Variants in PPP2R2B observed in about 807,000 individuals in gnomAD.
The protein encoded by PPP2R2B is protein phosphatase 2 regulatory subunit Bbeta, also known as serine/threonine-protein phosphatase 2A 55 kDa regulatory subunit B beta isoform.
PPP2R2B carries 5 observed loss-of-function variants against 46.0 expected under a neutral mutation model. The ratio of observed to expected loss-of-function variants is 0.11; its 90% CI spans 0.06 to 0.23. The LOEUF (loss-of-function observed/expected upper bound fraction) is 0.23, where lower values mean the gene tolerates loss of function less well. PPP2R2B is among the 10% of genes least tolerant of loss of function. The pLI, the probability that PPP2R2B is intolerant of heterozygous loss-of-function variation, is 1.00. For synonymous variants in PPP2R2B, 215 were observed against 206.7 expected (o/e 1.04, Z -0.34); for missense variants, 367 against 575.0 (o/e 0.64, Z 3.70).
chr5:146,749,610 T>TA (rs1753418611), intron 2 of PPP2R2B, among the ~76,000 whole-genome samples: 1 of 145,724 alleles, frequency 6.9e-6, no homozygotes, highest in Non-Finnish European at 1.5e-5. Context: ...TCTTTTCTTT[T>TA]TTTTTTTTTT....
chr5:146,686,222 G>C (rs1358786918), intron 5 of PPP2R2B, among the ~76,000 whole-genome samples: 1 of 152,206 alleles, frequency 6.6e-6, no homozygotes, highest in Non-Finnish European at 1.5e-5. Context: ...AGTTGCAGGA[G>C]AGAACAAAAC....
At chr5:146,690,892 C>T (rs1778806739) in intron 5 of PPP2R2B, among the ~76,000 whole-genome samples, 1 of 152,194 alleles carries the variant, frequency 6.6e-6, no homozygotes, top group African/African-American at 2.4e-5. Flanking sequence ...TGGCAGTGGC[C>T]ATGTGGGCAA....
Position 146,987,962 on chromosome 5 carries a change from G to A in PPP2R2B, c.79+67703C>T, listed in dbSNP as rs183399343. Among the ~76,000 whole-genome samples, 219 of 152,006 alleles carry A rather than the reference G, an allele frequency of 1.4e-3. 2 individuals carry two copies. Among genetic ancestry groups the A allele is most frequent in the African/African-American group, 5.0e-3 (209 of 41,506 alleles). On this transcript the variant is annotated intron_variant, in intron 1 of 8. Transcript: ENST00000336640. ...AGCAAGTGGAAACCAAAGAGGGCAG[G>A]AGTAGCTATACTTATATCAGATAAA...
At chr5:146,794,489 A>G (rs1405651926) in intron 2 of PPP2R2B, among the ~76,000 whole-genome samples, 1 of 152,224 alleles carries the variant, frequency 6.6e-6, no homozygotes, top group South Asian at 2.1e-4. Flanking sequence ...CTGTACTTAC[A>G]ATAAACTGCC....
chr5:147,062,350 G>A (rs773279063), intron 2 of PPP2R2B, among the ~76,000 whole-genome samples: 2 of 152,154 alleles, frequency 1.3e-5, no homozygotes, highest in Non-Finnish European at 2.9e-5. Flanking sequence ...CATGACGGTA[G>A]TAGTAATAAG....
At chr5:146,599,382 T>C (rs975089076) in intron 8 of PPP2R2B, among the ~76,000 whole-genome samples, 7 of 152,206 alleles carry the variant, frequency 4.6e-5, no homozygotes, top group African/African-American at 1.7e-4. Context: ...TCATCTCCTC[T>C]TATCTAAATT....
intron 2 of PPP2R2B, among the ~76,000 whole-genome samples, chr5:146,821,951 C>T (rs558429424): frequency 3.0e-4 from 45 of 152,246 alleles, no homozygotes; most frequent in African/African-American, 6.0e-4. Context: ...ACACTGACAA[C>T]GTAAGTAACT....
chr5:146,657,761 A>G (rs1434961909), intron 5 of PPP2R2B, among the ~76,000 whole-genome samples: 1 of 152,158 alleles, frequency 6.6e-6, no homozygotes, highest in African/African-American at 2.4e-5. Context: ...CGTACAACAT[A>G]ATCAACATTA....
At chr5:146,824,221 G>T (rs962068715) in intron 2 of PPP2R2B, among the ~76,000 whole-genome samples, 1 of 152,182 alleles carries the variant, frequency 6.6e-6, no homozygotes, top group Non-Finnish European at 1.5e-5. Flanking sequence ...TATTCCAAAA[G>T]CCTAGAACAT....
chr5:146,903,395 T>C (rs1159317271), intron 1 of PPP2R2B, among the ~76,000 whole-genome samples: 11 of 46,262 alleles, frequency 2.4e-4, no homozygotes, highest in African/African-American at 1.5e-3. Context: ...CTTTCTCTTT[T>C]TTTTTTTTTT....
At position 146,662,150 on chromosome 5, in the gene PPP2R2B, C is replaced by A. The variant is rs322978; in HGVS notation, c.448-11426G>T. Among the ~76,000 whole-genome samples, 98 of 152,060 alleles carry A rather than the reference C, an allele frequency of 6.4e-4. 1 individual carries two copies. Among genetic ancestry groups the A allele is most frequent in the African/African-American group, 2.2e-3 (92 of 41,458 alleles). On this transcript the variant is annotated intron_variant, in intron 5 of 9. Coordinates refer to ENST00000394411, the MANE Select transcript of PPP2R2B (RefSeq NM_181675.4). Reference sequence around the variant, plus strand: ...CACACTGCATTCTGTCATTTATTACCGTGGAATATACAGAACCAAGAAGAT... The same window carrying A: ...CACACTGCATTCTGTCATTTATTACAGTGGAATATACAGAACCAAGAAGAT...
intron 2 of PPP2R2B, among the ~76,000 whole-genome samples, chr5:146,809,952 G>C (rs1049915723): frequency 3.9e-5 from 6 of 152,112 alleles, no homozygotes; most frequent in African/African-American, 1.4e-4. Flanking sequence ...ATATCTTGGG[G>C]GAGTACAAAA....
chr5:146,644,292 G>A (rs1775433018), intron 6 of PPP2R2B, among the ~76,000 whole-genome samples: 1 of 93,122 alleles, frequency 1.1e-5, no homozygotes, highest in African/African-American at 3.1e-5. Context: ...GGTAAATCAG[G>A]AGTTTTAAAT....
intron 2 of PPP2R2B, among the ~76,000 whole-genome samples, chr5:146,770,593 T>C (rs909773887): frequency 1.3e-5 from 2 of 152,192 alleles, no homozygotes; most frequent in African/African-American, 2.4e-5. Flanking sequence ...CTTTTATGCT[T>C]CTCTTTATTT....
chr5:146,893,936 C>T (rs1258407740), intron 1 of PPP2R2B, among the ~76,000 whole-genome samples: 1 of 149,516 alleles, frequency 6.7e-6, no homozygotes, highest in Admixed American at 6.7e-5. Flanking sequence ...ATTCCAGCTA[C>T]TCGGGAGGCT....
chr5:146,736,472 A>G (rs1019133582), intron 2 of PPP2R2B, among the ~76,000 whole-genome samples: 4 of 152,160 alleles, frequency 2.6e-5, no homozygotes, highest in African/African-American at 9.7e-5. Context: ...GCCCGGAGAG[A>G]TAACTAACTT....
At chr5:146,627,928 CTG>C (rs1440992695) in intron 7 of PPP2R2B, among the ~76,000 whole-genome samples, 2 of 152,200 alleles carry the variant, frequency 1.3e-5, no homozygotes, top group Non-Finnish European at 2.9e-5. Context: ...AATGACTACA[CTG>C]TTCACAGAAA....
intron 5 of PPP2R2B, among the ~76,000 whole-genome samples, chr5:146,654,928 G>A (rs460781): frequency 0.84 from 127,232 of 152,174 alleles, 54,054 homozygotes; most frequent in Non-Finnish European, 0.9. Context: ...AGGCCAGGAC[G>A]TCTTAACTCA....
chr5:146,943,652 C>T (rs543507202), intron 1 of PPP2R2B, among the ~76,000 whole-genome samples: 1 of 152,154 alleles, frequency 6.6e-6, no homozygotes, highest in East Asian at 1.9e-4. Context: ...GATGTTAAGA[C>T]CCCTGGTTTA....
Sources: allele counts gnomAD v4.1 joint callset (sites outside exome capture counted in the v4.1 genomes callset), GRCh38; gene constraint gnomAD v4.1.1; transcripts MANE v1.5; gene names NCBI Gene and HGNC (gene_info 2026-07-23, HGNC 2026-07-21).